L3MBTL4: variants seen among roughly 807,000 people sequenced by gnomAD.
L3MBTL4 encodes the protein L3MBTL histone methyl-lysine binding protein 4.
In L3MBTL4, 70 loss-of-function variants were observed where a neutral mutation model predicts 84.5. The ratio of observed to expected loss-of-function variants is 0.83; its 90% CI spans 0.68 to 1.01. L3MBTL4 has a LOEUF of 1.01. Ranked by LOEUF, L3MBTL4 falls within the 50% of genes least tolerant of loss-of-function variation. The pLI is 0.00. For missense variants in L3MBTL4, 715 were observed against 754.8 expected (o/e 0.95, Z 0.62); for synonymous variants, 274 against 259.8 (o/e 1.05, Z -0.52).
At chr18:6,218,652 C>A (rs2046424091) in intron 10 of L3MBTL4, among the ~76,000 whole-genome samples, 1 of 152,154 alleles carries the variant, frequency 6.6e-6, no homozygotes, top group Non-Finnish European at 1.5e-5. Context: ...TGCGTCTATG[C>A]CACTCTCAGA....
At chr18:6,144,929 C>A (rs991779058) in intron 13 of L3MBTL4, among the ~76,000 whole-genome samples, 2 of 152,184 alleles carry the variant, frequency 1.3e-5, no homozygotes, top group African/African-American at 4.8e-5. Flanking sequence ...GGGCCCACAA[C>A]ACTGCCATCC....
chr18:6,385,621 T>C (rs2054787094), intron 1 of L3MBTL4, among the ~76,000 whole-genome samples: 1 of 152,128 alleles, frequency 6.6e-6, no homozygotes. Context: ...TCCAAGAAAA[T>C]ATTTCACAAC....
intron 1 of L3MBTL4, among the ~76,000 whole-genome samples, chr18:6,412,971 C>T (rs376758852): frequency 3.3e-5 from 5 of 152,092 alleles, no homozygotes; most frequent in African/African-American, 1.2e-4. Context: ...GCACAGCTAC[C>T]CTCCCAGTCA....
At chr18:6,242,399 C>T (rs937488072) in intron 7 of L3MBTL4, among the ~76,000 whole-genome samples, 4 of 152,140 alleles carry the variant, frequency 2.6e-5, no homozygotes, top group Non-Finnish European at 5.9e-5. Flanking sequence ...CCGCCATTAT[C>T]CTTCTCCTCT....
intron 4 of L3MBTL4, among the ~76,000 whole-genome samples, chr18:6,286,645 T>C (rs1291162371): frequency 1.3e-5 from 2 of 152,210 alleles, no homozygotes; most frequent in Admixed American, 1.3e-4. Context: ...CTCCATATTT[T>C]ATTTCATTTC....
chr18:6,302,117 G>C (rs995891449), intron 3 of L3MBTL4, among the ~76,000 whole-genome samples, 160 bp from the exon 4 acceptor site: 1 of 152,054 alleles, frequency 6.6e-6, no homozygotes, highest in Non-Finnish European at 1.5e-5. Context: ...GTGCCCAGGA[G>C]GGGTACACAT....
intron 16 of L3MBTL4, among the ~76,000 whole-genome samples, chr18:6,011,406 C>T (rs1220711780): frequency 6.6e-6 from 1 of 152,180 alleles, no homozygotes; most frequent in Non-Finnish European, 1.5e-5. Flanking sequence ...TTTCTGTACA[C>T]AGATACCTGA....
intron 4 of L3MBTL4, among the ~76,000 whole-genome samples, chr18:6,290,206 G>A (rs1049579538): frequency 6.6e-6 from 1 of 151,824 alleles, no homozygotes; most frequent in African/African-American, 2.4e-5. Flanking sequence ...ATGAGGTGCC[G>A]TGCCCAGCCT....
At chr18:6,382,611 A>G (rs1384258396) in intron 1 of L3MBTL4, among the ~76,000 whole-genome samples, 4 of 152,192 alleles carry the variant, frequency 2.6e-5, no homozygotes, top group Non-Finnish European at 5.9e-5. Flanking sequence ...GGTCCACTCC[A>G]GACCCTGTTT....
intron 8 of L3MBTL4, among the ~76,000 whole-genome samples, chr18:6,240,080 T>A (rs1429016303): frequency 1.3e-5 from 2 of 152,234 alleles, no homozygotes; most frequent in Non-Finnish European, 2.9e-5. Context: ...AAACTAGCTT[T>A]CCTTTGTGCT....
chr18:6,073,292 T>A (rs1007565207), intron 16 of L3MBTL4, among the ~76,000 whole-genome samples: 3 of 151,984 alleles, frequency 2.0e-5, no homozygotes, highest in Non-Finnish European at 4.4e-5. Flanking sequence ...GAGGGTATTA[T>A]AAACAACTCA....
intron 1 of L3MBTL4, among the ~76,000 whole-genome samples, chr18:6,324,151 T>G (rs1167601894): frequency 6.6e-6 from 1 of 151,952 alleles, no homozygotes; most frequent in African/African-American, 2.4e-5. Flanking sequence ...TGCACAGAAT[T>G]GAGGCTCAGG....
chr18:6,001,990 A>G (rs2054236722), intron 16 of L3MBTL4, among the ~76,000 whole-genome samples: 1 of 152,200 alleles, frequency 6.6e-6, no homozygotes, highest in Non-Finnish European at 1.5e-5. Flanking sequence ...ACAATGAGAC[A>G]TACTATAATC....
chr18:6,232,989 T>A (rs2047059676), intron 10 of L3MBTL4, among the ~76,000 whole-genome samples: 1 of 152,082 alleles, frequency 6.6e-6, no homozygotes, highest in African/African-American at 2.4e-5. Context: ...GTGGGCTTCA[T>A]CCCTGGGATG....
chr18:6,132,910 G>T (rs1273840547), intron 14 of L3MBTL4, among the ~76,000 whole-genome samples: 3 of 152,140 alleles, frequency 2.0e-5, no homozygotes, highest in African/African-American at 7.2e-5. Context: ...GGAAAGAGAG[G>T]CTTGTGTGAG....
intron 16 of L3MBTL4, among the ~76,000 whole-genome samples, chr18:6,072,880 AAATATATATATATATAT>A (rs2057722182): frequency 4.6e-5 from 2 of 43,244 alleles, no homozygotes; most frequent in East Asian, 5.6e-4. Context: ...AAAAAAAAAA[AAATATATATATATATAT>A]ATATATATAT....
At chr18:6,203,998 C>A (rs934968107) in intron 12 of L3MBTL4, among the ~76,000 whole-genome samples, 1 of 152,162 alleles carries the variant, frequency 6.6e-6, no homozygotes, top group African/African-American at 2.4e-5. Flanking sequence ...TGTGCCCAGC[C>A]TGCCTCATGT....
chr18:6,197,214 G>T (rs623485), intron 12 of L3MBTL4, among the ~76,000 whole-genome samples: 1 of 152,302 alleles, frequency 6.6e-6, no homozygotes, highest in South Asian at 2.1e-4. Flanking sequence ...CCATCACCTA[G>T]GTATTAAGCA....
chr18:6,087,325 G>T (rs1234412999), intron 15 of L3MBTL4, among the ~76,000 whole-genome samples: 2 of 152,136 alleles, frequency 1.3e-5, no homozygotes, highest in African/African-American at 4.8e-5. Context: ...CAATGAGCTG[G>T]GAGTCAGAGG....
Sources: allele counts gnomAD v4.1 joint callset (sites outside exome capture counted in the v4.1 genomes callset), GRCh38; gene constraint gnomAD v4.1.1; transcripts MANE v1.5; gene names NCBI Gene and HGNC (gene_info 2026-07-23, HGNC 2026-07-21).